Variants in ESRRG observed in about 807,000 individuals in gnomAD.
ESRRG encodes the protein estrogen-related receptor gamma.
Under a neutral mutation model 44.0 loss-of-function variants are expected in ESRRG, and 13 were observed. The ratio of observed to expected loss-of-function variants is 0.30; its 90% CI spans 0.19 to 0.47. ESRRG has a LOEUF of 0.47. Among genes scored for constraint, ESRRG ranks in the 20% least tolerant of loss-of-function variants. The pLI is 1.00. For synonymous variants in ESRRG, 215 were observed against 214.6 expected, an observed-to-expected ratio of 1.00 and a Z score of -0.02; for missense variants, 395 against 580.6, an observed-to-expected ratio of 0.68 and a Z score of 3.29.
Position 216,567,996 on chromosome 1 carries a change from T to G in ESRRG, c.692A>C (p.Lys231Thr), listed in dbSNP as rs751580504. ...ACATCTGCTGTACTTACATGGCTTT[T>G]TGGCTGGCTGAACCAGCTGAGGGTT... ...YLNPQLVQPA[K>T]KPYNKIVSHL... Residue 231 changes from lysine (K) to threonine (T), a missense_variant, in exon 4 of 7, where the codon AAA becomes ACA. Lys to Thr is a moderately conservative substitution (Grantham distance 78, BLOSUM62 -1). Around this residue, in one of 5 missense-constraint regions of ESRRG, gnomAD observed 37 missense variants for 32.9 expected, o/e 1.13. Coordinates refer to ENST00000408911, the MANE Select transcript of ESRRG (RefSeq NM_001438.4). 25 of 1,610,950 alleles carry G rather than the reference T, an allele frequency of 1.6e-5. No homozygotes were observed. Among genetic ancestry groups the G allele is most frequent in the Non-Finnish European group, 2.0e-5 (24 of 1,177,334 alleles).
chr1:216,597,264 G>A (rs1248355902), intron 3 of ESRRG, among the ~76,000 whole-genome samples: 4 of 152,168 alleles, frequency 2.6e-5, no homozygotes, highest in Admixed American at 1.3e-4. Context: ...CAGTCAGGCC[G>A]GTACACAGGA....
At chr1:216,597,638 T>C (rs1037492238) in intron 3 of ESRRG, among the ~76,000 whole-genome samples, 1 of 152,218 alleles carries the variant, frequency 6.6e-6, no homozygotes, top group Non-Finnish European at 1.5e-5. Context: ...AGTGGAATCA[T>C]GGAACACTCC....
At chr1:216,613,778 T>G (rs1558815444) in intron 3 of ESRRG, among the ~76,000 whole-genome samples, 1 of 152,212 alleles carries the variant, frequency 6.6e-6, no homozygotes, top group Non-Finnish European at 1.5e-5. Flanking sequence ...GAAGCCAACG[T>G]TCGAAAACTA....
intron 1 of ESRRG, among the ~76,000 whole-genome samples, chr1:217,013,310 T>C (rs907817879): frequency 3.3e-5 from 5 of 152,312 alleles, no homozygotes; most frequent in Non-Finnish European, 7.4e-5. Flanking sequence ...AAAGCAGATA[T>C]TACCTTAGGA....
intron 2 of ESRRG, among the ~76,000 whole-genome samples, chr1:216,917,158 CTTTTTTT>C (rs534545705): frequency 1.5e-5 from 2 of 130,642 alleles, no homozygotes; most frequent in African/African-American, 5.7e-5. Flanking sequence ...AATAGACTTT[CTTTTTTT>C]TTTTTTTTTT....
chr1:216,566,396 A>G (rs2059689747), intron 4 of ESRRG, among the ~76,000 whole-genome samples: 1 of 152,218 alleles, frequency 6.6e-6, no homozygotes, highest in Non-Finnish European at 1.5e-5. Flanking sequence ...AGTCCTCTTT[A>G]TCTGAGACAA....
At position 216,815,413 on chromosome 1, in the gene ESRRG, A is replaced by T. The variant is rs149638676; in HGVS notation, c.-14+124169T>A. Among the ~76,000 whole-genome samples, 245 of 152,300 alleles carry T rather than the reference A, an allele frequency of 1.6e-3. 4 individuals carry two copies. The highest frequency in any genetic ancestry group is 5.4e-3 in the African/African-American group (224 of 41,568). ...AACTGAGGAGGCTGAGCTCTAACCC[A>T]CAGACAACACTGCCCTCTAAATTGT... On this transcript the variant is annotated intron_variant, in intron 2 of 7. Coordinates refer to the ESRRG transcript ENST00000359162.
At chr1:217,037,762 C>T in intron 1 of ESRRG, among the ~76,000 whole-genome samples, 1 of 152,238 alleles carries the variant, frequency 6.6e-6, no homozygotes, top group Admixed American at 6.5e-5. Flanking sequence ...CACCAAGAGC[C>T]TGTAAAATCA....
In ESRRG at chr1:217,101,869, C is replaced by A. The variant is rs535591977; in HGVS notation, c.-230+35798G>T. ...TTGCCCAGGCTGAAGGGCAATGATG[C>A]GATCTTGGCTCACCGCAACCTCTGC... On this transcript the variant is annotated intron_variant, in intron 1 of 8. Transcript: ENST00000366940. 2.6e-5 allele frequency among the ~76,000 whole-genome samples: 4 copies of A among 152,174 alleles called. No individual in the cohort carries two copies. The East Asian group carries it at 7.7e-4, about 29-fold the overall frequency.
chr1:217,064,847 C>A (rs944433973), intron 1 of ESRRG, among the ~76,000 whole-genome samples: 3 of 152,142 alleles, frequency 2.0e-5, no homozygotes, highest in Non-Finnish European at 4.4e-5. Flanking sequence ...CTCTACCCTA[C>A]CCTGGTTATG....
At chr1:217,121,106 G>A (rs1160821632) in intron 1 of ESRRG, among the ~76,000 whole-genome samples, 3 of 135,656 alleles carry the variant, frequency 2.2e-5, no homozygotes, top group African/African-American at 7.9e-5. Context: ...CAGCTGTGTC[G>A]GGTCTTGAAG....
chr1:216,624,094 G>A (rs952627930), intron 3 of ESRRG, among the ~76,000 whole-genome samples: 1 of 152,070 alleles, frequency 6.6e-6, no homozygotes, highest in Non-Finnish European at 1.5e-5. Context: ...AAATACCCAG[G>A]GAGGCACAAA....
chr1:216,584,676 G>C (rs73089936), intron 3 of ESRRG, among the ~76,000 whole-genome samples: 1 of 152,098 alleles, frequency 6.6e-6, no homozygotes, highest in East Asian at 1.9e-4. Context: ...GCAATAATAA[G>C]AAATTTAAGA....
chr1:216,786,039 C>T (rs912896012), intron 2 of ESRRG, among the ~76,000 whole-genome samples: 10 of 152,028 alleles, frequency 6.6e-5, no homozygotes, highest in Admixed American at 2.0e-4. Context: ...CATGTCTATC[C>T]GCTGCTCCCT....
chr1:216,944,506 T>C (rs893127), intron 1 of ESRRG, among the ~76,000 whole-genome samples: 100,095 of 152,020 alleles, frequency 0.66, 35,170 homozygotes, highest in Middle Eastern at 0.81. Context: ...AAAGTCAGAA[T>C]ACTATTAATG....
chr1:216,999,227 A>ACAT (rs2076723293), intron 1 of ESRRG, among the ~76,000 whole-genome samples: 1 of 152,178 alleles, frequency 6.6e-6, no homozygotes, highest in Non-Finnish European at 1.5e-5. Context: ...AACTGGGTTC[A>ACAT]CATCTTATCA....
rs181036958 is a variant in ESRRG at position 216,640,433 on chromosome 1, G to T, written c.589+10540C>A. Among the ~76,000 whole-genome samples the T allele has an allele frequency of 3.3e-3, 502 of 151,834 alleles. 2 individuals carry two copies. The highest frequency in any genetic ancestry group is 4.8e-3 in the Non-Finnish European group (329 of 67,978). On this transcript the variant is annotated intron_variant, in intron 3 of 6. Transcript: ENST00000408911. ...GCCAAGCCAGCTGGCTTGTTCCTTT[G>T]CAGACAGCTTGCCTTAGGGAAGCTG...
intron 3 of ESRRG, 54 bp from the exon 4 acceptor site, chr1:216,568,152 A>C: frequency 8.3e-7 from 1 of 1,208,078 alleles, no homozygotes; most frequent in Non-Finnish European, 1.2e-6. Flanking sequence ...GTTTGAGACC[A>C]ATCAAATACC....
At chr1:216,646,685 T>C (rs1250768091) in intron 3 of ESRRG, among the ~76,000 whole-genome samples, 1 of 152,164 alleles carries the variant, frequency 6.6e-6, no homozygotes, top group African/African-American at 2.4e-5. Flanking sequence ...TAACATGTTG[T>C]TTGCAAATAC....
Sources: allele counts gnomAD v4.1 joint callset (sites outside exome capture counted in the v4.1 genomes callset), GRCh38; gene constraint gnomAD v4.1.1; regional missense constraint gnomAD v4.1.1; transcripts MANE v1.5; gene names NCBI Gene and HGNC (gene_info 2026-07-23, HGNC 2026-07-21).